The following RALA variants were observed in gnomAD, a reference collection of about 807,000 sequenced individuals.
RALA encodes the protein RAS like proto-oncogene A, also known as ras-related protein Ral-A.
Under a neutral mutation model 24.0 loss-of-function variants are expected in RALA, and 5 were observed. The observed-to-expected ratio is 0.21, with a 90% CI of 0.11 to 0.44. The LOEUF (loss-of-function observed/expected upper bound fraction) is 0.44, where lower values mean the gene tolerates loss of function less well. RALA is among the 20% of genes least tolerant of loss of function. RALA has a pLI of 0.99. For missense variants in RALA, 95 were observed against 241.2 expected (o/e 0.39, Z 4.01); for synonymous variants, 77 against 83.8 (o/e 0.92, Z 0.44).
chr7:39,651,711 C>A (rs1792020991), intron 1 of RALA, among the ~76,000 whole-genome samples: 1 of 151,860 alleles, frequency 6.6e-6, no homozygotes, highest in Non-Finnish European at 1.5e-5. Flanking sequence ...TTTTATTTTG[C>A]TATCTAATTT....
At chr7:39,675,795 T>A (rs1377733388) in intron 1 of RALA, among the ~76,000 whole-genome samples, 1 of 152,112 alleles carries the variant, frequency 6.6e-6, no homozygotes, top group African/African-American at 2.4e-5. Flanking sequence ...ATGTATATTC[T>A]ACCTCTTCTG....
Position 39,696,769 on chromosome 7 carries a change from G to C in RALA, c.408G>C (p.Gln136His), listed in dbSNP as rs1268255721. ...GNKSDLEDKRQVSVEEAKNRA... is the reference protein window; with the variant it reads ...GNKSDLEDKRHVSVEEAKNRA... ...AATCAGATTTAGAAGATAAAAGACA[G>C]GTTTCTGTAGAAGAGGCAAAAAACA... Residue 136 changes from glutamine to histidine, a missense_variant, in exon 4 of 5, where the codon CAG (glutamine) becomes CAC (histidine). Gln to His is a conservative substitution (Grantham distance 24, BLOSUM62 0). Transcript: ENST00000005257. The C allele has an allele frequency of 6.2e-7, 1 of 1,613,160 alleles. No individual in the cohort carries two copies. Among genetic ancestry groups the C allele is most frequent in the Non-Finnish European group, 8.5e-7 (1 of 1,179,306 alleles).
intron 1 of RALA, among the ~76,000 whole-genome samples, 173 bp from the exon 2 acceptor site, chr7:39,686,458 C>T (rs1056296343): frequency 1.3e-5 from 2 of 152,154 alleles, no homozygotes; most frequent in African/African-American, 2.4e-5. Flanking sequence ...ATGGTATTCT[C>T]TGATAAATGG....
At chr7:39,653,108 C>A (rs926419668) in intron 1 of RALA, among the ~76,000 whole-genome samples, 2 of 152,064 alleles carry the variant, frequency 1.3e-5, no homozygotes, top group African/African-American at 4.8e-5. Flanking sequence ...CGGCTCACTG[C>A]AACCTCCACC....
intron 1 of RALA, among the ~76,000 whole-genome samples, chr7:39,685,948 G>GT (rs1424251441): frequency 1.3e-5 from 2 of 152,210 alleles, no homozygotes. Flanking sequence ...GCTCACGCCT[G>GT]TAATCCCAGC....
At chr7:39,700,565 T>C (rs1793009847) in intron 4 of RALA, 1 of 152,244 alleles carries the variant, frequency 6.6e-6, no homozygotes, top group South Asian at 2.1e-4. Context: ...TATGACATAG[T>C]CTCTGAAGTT....
intron 1 of RALA, among the ~76,000 whole-genome samples, chr7:39,631,928 C>T (rs892994553): frequency 5.3e-5 from 8 of 152,058 alleles, no homozygotes; most frequent in African/African-American, 9.7e-5. Flanking sequence ...ATCTGCTTGG[C>T]GAGTTGAGGC....
At position 39,662,236 on chromosome 7, in the gene RALA, A is replaced by G. The variant is rs2115998206; in HGVS notation, c.-37-24395A>G. On this transcript the variant is annotated intron_variant, in intron 1 of 4. Transcript: ENST00000005257. ...CAAAGGTCTCTGACATACCCTGGAG[A>G]CATTTTCCCCATTGTCTTGGTGATT... Among the ~76,000 whole-genome samples the G allele has an allele frequency of 2.6e-5, 3 of 115,918 alleles. No homozygotes were observed. In the East Asian group the frequency reaches 6.9e-4, roughly 26 times the overall value. 76.0% of individuals were successfully genotyped at this position (115,918 alleles called of 152,430 possible). A position where few individuals can be genotyped will look rare whatever the true frequency, so the allele number is the denominator to read the frequency against.
At chr7:39,627,188 C>T (rs1050527967) in intron 1 of RALA, among the ~76,000 whole-genome samples, 4 of 151,526 alleles carry the variant, frequency 2.6e-5, no homozygotes, top group African/African-American at 4.9e-5. Context: ...ATTACCTTAT[C>T]GCATTCATAA....
At chr7:39,687,824 A>C (rs1169018028) in intron 2 of RALA, among the ~76,000 whole-genome samples, 1 of 152,242 alleles carries the variant, frequency 6.6e-6, no homozygotes, top group Non-Finnish European at 1.5e-5. Context: ...TCAGAGAGTT[A>C]CCCAGCTTAC....
At chr7:39,686,185 G>T (rs575951059) in intron 1 of RALA, among the ~76,000 whole-genome samples, 3 of 137,572 alleles carry the variant, frequency 2.2e-5, no homozygotes, top group Non-Finnish European at 4.6e-5. Context: ...CAGCCTGGGC[G>T]ACAGAGCGAG....
At chr7:39,668,797 CAAAAAA>C (rs70996827) in intron 1 of RALA, among the ~76,000 whole-genome samples, 2 of 81,880 alleles carry the variant, frequency 2.4e-5, no homozygotes, top group Admixed American at 1.2e-4. Flanking sequence ...AATTCCATCT[CAAAAAA>C]AAAAAAAAAA....
intron 3 of RALA, among the ~76,000 whole-genome samples, chr7:39,691,431 A>G (rs111442683): frequency 1.4e-4 from 22 of 152,366 alleles, no homozygotes; most frequent in Non-Finnish European, 2.8e-4. Context: ...ATGAATATAT[A>G]AGGCATTTAA....
At chr7:39,680,855 C>A (rs777778733) in intron 1 of RALA, among the ~76,000 whole-genome samples, 1 of 152,070 alleles carries the variant, frequency 6.6e-6, no homozygotes, top group Non-Finnish European at 1.5e-5. Context: ...ATATTCTGTT[C>A]TATTGATCTA....
chr7:39,653,185 A>G lies in RALA; in HGVS notation c.-38+29360A>G, dbSNP rs189779307. ...GCTGGGATTACAGGCATGCGCCACC[A>G]TGCCTGGCTAATTTTTGTATTTTTA... On this transcript the variant is annotated intron_variant, in intron 1 of 4. Coordinates refer to ENST00000005257, the MANE Select transcript of RALA (RefSeq NM_005402.4). Among the ~76,000 whole-genome samples the G allele has an allele frequency of 3.4e-3, 497 of 147,400 alleles. 3 individuals carry two copies. The highest frequency in any genetic ancestry group is 0.012 in the African/African-American group (472 of 40,336).
At chr7:39,686,859 G>C in intron 2 of RALA, 78 bp downstream of exon 2, 4 of 1,093,436 alleles carry the variant, frequency 3.7e-6, no homozygotes, top group Non-Finnish European at 5.4e-6. Flanking sequence ...GTGCTATTTT[G>C]TATGGATTGT....
chr7:39,683,292 A>C (rs1389642872), intron 1 of RALA, among the ~76,000 whole-genome samples: 7 of 151,700 alleles, frequency 4.6e-5, no homozygotes, highest in African/African-American at 7.3e-5. Flanking sequence ...CCCCACTCCC[A>C]CCCTCTTCTA....
At chr7:39,662,374 A>G (rs755776670) in intron 1 of RALA, among the ~76,000 whole-genome samples, 3 of 151,856 alleles carry the variant, frequency 2.0e-5, no homozygotes, top group Non-Finnish European at 4.4e-5. Flanking sequence ...TTTTTTTCCT[A>G]TTGCATTGTC....
chr7:39,624,432 T>A (rs1335255153), intron 1 of RALA: 1 of 151,974 alleles, frequency 6.6e-6, no homozygotes, highest in Non-Finnish European at 1.5e-5. Flanking sequence ...TTTCAGGTAA[T>A]CTAGCTTCTA....
Sources: gnomAD v4.1 joint callset for allele counts (sites outside exome capture counted in the v4.1 genomes callset) on GRCh38, gnomAD v4.1.1 for gene constraint, MANE v1.5 for transcripts, NCBI Gene and HGNC (gene_info 2026-07-23, HGNC 2026-07-21) for gene names.